Variants in AGPS observed in about 807,000 individuals in gnomAD.
AGPS encodes alkylglycerone phosphate synthase.
AGPS carries 26 observed loss-of-function variants against 90.7 expected under a neutral mutation model. The ratio of observed to expected loss-of-function variants is 0.29; its 90% CI spans 0.21 to 0.40. The LOEUF (loss-of-function observed/expected upper bound fraction) is 0.40, where lower values mean the gene tolerates loss of function less well. Ranked by LOEUF, AGPS falls within the 10% of genes least tolerant of loss-of-function variation. The pLI is 1.00. For synonymous variants in AGPS, 294 were observed against 285.3 expected, an observed-to-expected ratio of 1.03 and a Z score of -0.31; for missense variants, 540 against 816.1, an observed-to-expected ratio of 0.66 and a Z score of 4.12.
At chr2:177,525,557 T>A (rs1405225321) in intron 19 of AGPS, among the ~76,000 whole-genome samples, 1 of 152,244 alleles carries the variant, frequency 6.6e-6, no homozygotes, top group South Asian at 2.1e-4. Context: ...TAATGGTAAA[T>A]ATGGGGGAGA....
intron 14 of AGPS, among the ~76,000 whole-genome samples, chr2:177,502,537 C>T (rs566818203): frequency 1.4e-4 from 21 of 151,556 alleles, no homozygotes; most frequent in South Asian, 1.0e-3. Flanking sequence ...CCTCTTCAGC[C>T]GCCTGAGTAG....
intron 19 of AGPS, among the ~76,000 whole-genome samples, chr2:177,526,101 A>G (rs547109177): frequency 6.6e-6 from 1 of 152,366 alleles, no homozygotes; most frequent in South Asian, 2.1e-4. Context: ...CTATGGTAAT[A>G]GTCCATTATA....
intron 11 of AGPS, among the ~76,000 whole-genome samples, chr2:177,492,027 T>G (rs186024413): frequency 6.6e-6 from 1 of 152,038 alleles, no homozygotes; most frequent in South Asian, 2.1e-4. Flanking sequence ...CTAAAGTGAT[T>G]TGCCCACCTC....
At chr2:177,529,783 C>G (rs1054645442) in intron 19 of AGPS, among the ~76,000 whole-genome samples, 1 of 152,104 alleles carries the variant, frequency 6.6e-6, no homozygotes, top group South Asian at 2.1e-4. Flanking sequence ...AGTGGCTGAA[C>G]AACAGAGGGG....
chr2:177,435,239 G>A (rs935443596), intron 3 of AGPS, among the ~76,000 whole-genome samples: 1 of 151,740 alleles, frequency 6.6e-6, no homozygotes, highest in East Asian at 1.9e-4. Context: ...TTGTTAAGTG[G>A]TATAGGTATT....
At chr2:177,468,315 C>A (rs1283057019) in intron 9 of AGPS, 101 bp from the exon 10 acceptor site, 1 of 662,562 alleles carries the variant, frequency 1.5e-6, no homozygotes. Context: ...TAACCCAATA[C>A]TTTAAAAGTA....
chr2:177,468,344 A>T, intron 9 of AGPS, 72 bp from the exon 10 acceptor site: 1 of 860,050 alleles, frequency 1.2e-6, no homozygotes, highest in South Asian at 1.5e-5. Context: ...ATAAATATAT[A>T]TAAATGTCTG....
intron 1 of AGPS, 182 bp downstream of exon 1, chr2:177,393,231 G>T (rs1183130653): frequency 3.0e-6 from 3 of 985,276 alleles, no homozygotes; most frequent in Non-Finnish European, 3.6e-6. Flanking sequence ...CTGTCAGGAA[G>T]GGGGCGGGAT....
intron 3 of AGPS, among the ~76,000 whole-genome samples, chr2:177,434,997 G>GTATATATATATATATA (rs1553509324): frequency 8.3e-4 from 106 of 128,094 alleles, no homozygotes; most frequent in African/African-American, 1.3e-3. Context: ...TAAACTGTAG[G>GTATATATATATATATA]TATATATATA....
rs144833909 is a variant in AGPS at position 177,402,627 on chromosome 2, C to T, written c.260+9578C>T. 9.3e-3 allele frequency among the ~76,000 whole-genome samples: 1,418 copies of T among 152,250 alleles called. 9 individuals carry two copies. Among genetic ancestry groups the T allele is most frequent in the Non-Finnish European group, 0.015 (989 of 68,022 alleles). ...TCTATCTCCTGTTACCTTTTCCCCA[C>T]GATTTCTCAGGTTATGAAGAGTAAC... On this transcript the variant is annotated intron_variant, in intron 1 of 19. Transcript: ENST00000264167.
chr2:177,408,276 C>T (rs1032199975), intron 1 of AGPS, among the ~76,000 whole-genome samples: 1 of 152,224 alleles, frequency 6.6e-6, no homozygotes, highest in East Asian at 1.9e-4. Flanking sequence ...CATGGCTCAC[C>T]ATTGCTTGCT....
chr2:177,516,597 A>G (rs1352027256), intron 17 of AGPS, among the ~76,000 whole-genome samples: 1 of 152,116 alleles, frequency 6.6e-6, no homozygotes, highest in African/African-American at 2.4e-5. Flanking sequence ...TGAGATACTA[A>G]TCAATCAGGC....
chr2:177,490,315 T>A (rs1442076621), intron 11 of AGPS, among the ~76,000 whole-genome samples: 3 of 152,188 alleles, frequency 2.0e-5, no homozygotes, highest in Non-Finnish European at 2.9e-5. Context: ...CCAACCTAGA[T>A]GCTATTTTTG....
At chr2:177,407,691 A>G (rs2105593727) in intron 1 of AGPS, among the ~76,000 whole-genome samples, 2 of 152,246 alleles carry the variant, frequency 1.3e-5, no homozygotes, top group East Asian at 3.9e-4. Flanking sequence ...TTGGGCAGGG[A>G]CAAATATTCA....
intron 17 of AGPS, among the ~76,000 whole-genome samples, chr2:177,517,187 C>A (rs1440899092): frequency 1.3e-5 from 2 of 152,000 alleles, no homozygotes; most frequent in African/African-American, 2.4e-5. Flanking sequence ...CCTTACCTCC[C>A]TTTTAAATGC....
At position 177,523,750 on chromosome 2, in the gene AGPS, A is replaced by G. The variant is rs1234792558; in HGVS notation, c.1800A>G (p.Ala600=). Residue 600 remains alanine, a splice_region_variant and synonymous_variant, in exon 19 of 20, where the codon GCA becomes GCG. Transcript: ENST00000264167. ...TGTTGTGTTGTTTCCAAATACAGGC[A>G]GCTGCTAGAGAAGAAATCCTTGCTA... ...DPLTVFEQTE[A]AAREEILANG... 1 of 1,613,886 alleles carries G rather than the reference A, an allele frequency of 6.2e-7. No individual in the cohort carries two copies. Among genetic ancestry groups the G allele is most frequent in the Admixed American group, 1.7e-5 (1 of 60,012 alleles).
chr2:177,448,029 A>G (rs190515155), intron 8 of AGPS, among the ~76,000 whole-genome samples: 4 of 152,144 alleles, frequency 2.6e-5, no homozygotes, highest in Admixed American at 2.6e-4. Flanking sequence ...TACGTTTATT[A>G]AATCTTTGGC....
intron 2 of AGPS, among the ~76,000 whole-genome samples, chr2:177,429,527 GCTTT>G (rs771820151): frequency 6.2e-4 from 94 of 152,216 alleles, no homozygotes; most frequent in Admixed American, 1.2e-3. Context: ...TGTTGTTGTT[GCTTT>G]CTGTTTGTTT....
At chr2:177,505,396 G>A (rs915159160) in intron 14 of AGPS, 110 bp from the exon 15 acceptor site, 1 of 948,242 alleles carries the variant, frequency 1.1e-6, no homozygotes, top group Admixed American at 2.0e-5. Context: ...TATTAAAAGT[G>A]TTTTCAGATT....
Sources: allele counts gnomAD v4.1 joint callset (sites outside exome capture counted in the v4.1 genomes callset), GRCh38; gene constraint gnomAD v4.1.1; transcripts MANE v1.5; gene names NCBI Gene and HGNC (gene_info 2026-07-23, HGNC 2026-07-21).